Variants in IRAG2 observed in about 807,000 individuals in gnomAD.
IRAG2 encodes inositol 1,4,5-triphosphate receptor associated 2.
Under a neutral mutation model 69.9 loss-of-function variants are expected in IRAG2, and 45 were observed. The ratio of observed to expected loss-of-function variants is 0.64; its 90% CI spans 0.51 to 0.83. IRAG2 has a LOEUF of 0.83. Among genes scored for constraint, IRAG2 ranks in the 40% least tolerant of loss-of-function variants. The probability of loss-of-function intolerance (pLI) is 0.00; values close to 1 mark genes in which losing one functional copy is unlikely to be tolerated. For synonymous variants in IRAG2, 193 were observed against 202.4 expected, an observed-to-expected ratio of 0.95 and a Z score of 0.40; for missense variants, 520 against 587.0, an observed-to-expected ratio of 0.89 and a Z score of 1.18.
At chr12:25,065,504 T>C (rs1483604124) in intron 4 of IRAG2, among the ~76,000 whole-genome samples, 1 of 152,234 alleles carries the variant, frequency 6.6e-6, no homozygotes. Context: ...CTACCATTCT[T>C]TGATGGGTTC....
At chr12:25,002,204 C>T (rs1410316746), upstream of IRAG2, among the ~76,000 whole-genome samples, 1 of 152,174 alleles carries the variant, frequency 6.6e-6, no homozygotes, top group Non-Finnish European at 1.5e-5. Context: ...CTTCTACCTT[C>T]CCCCTGGAGC....
At chr12:25,077,262 A>G (rs866994648) in intron 6 of IRAG2, among the ~76,000 whole-genome samples, 4 of 74,026 alleles carry the variant, frequency 5.4e-5, no homozygotes, top group Admixed American at 1.9e-4. Context: ...TGATATATAT[A>G]TGAAATATAT....
chr12:25,021,671 A>T (rs1440475035), intron 7 of IRAG2, among the ~76,000 whole-genome samples: 3 of 152,198 alleles, frequency 2.0e-5, no homozygotes, highest in Non-Finnish European at 4.4e-5. Flanking sequence ...TGCCAGCAGT[A>T]CTCTAGTATC....
chr12:25,081,039 T>C (rs1167950123), intron 9 of IRAG2, among the ~76,000 whole-genome samples: 3 of 152,356 alleles, frequency 2.0e-5, no homozygotes, highest in African/African-American at 7.2e-5. Context: ...TTTTTGGCTA[T>C]ATAGACATAC....
intron 6 of IRAG2, chr12:25,017,412 C>A: frequency 1.0e-6 from 1 of 976,904 alleles, no homozygotes; most frequent in Non-Finnish European, 1.3e-6. Flanking sequence ...GTATACAATT[C>A]AGTGTTTTTA....
Position 25,108,303 on chromosome 12 carries a change from G to GTTTATTGAAATAAAGAATCATTT in IRAG2, c.*244_*266dup. On this transcript the variant is annotated 3_prime_UTR_variant, in exon 22 of 22. Transcript: ENST00000556887. ...GAAATATTATATATTGTTTGTTAAA[G>GTTTATTGAAATAAAGAATCATTT]TTTATTGAAATAAAGAATCATTTAA... is the stretch of plus-strand genomic sequence containing the variant. The GTTTATTGAAATAAAGAATCATTT allele has an allele frequency of 1.8e-6, 1 of 546,552 alleles. No homozygotes were observed. Among genetic ancestry groups the GTTTATTGAAATAAAGAATCATTT allele is most frequent in the Non-Finnish European group, 3.1e-6 (1 of 322,326 alleles). The allele number at this position is 546,552 out of a possible 1,614,324, so 33.9% of individuals were successfully genotyped here. A position where few individuals can be genotyped will look rare whatever the true frequency, so the allele number is the denominator to read the frequency against.
At chr12:24,997,632 A>T in the IRAG2 span, 2 of 153,116 alleles carry the variant, frequency 1.3e-5, no homozygotes, top group Non-Finnish European at 2.9e-5. Flanking sequence ...AGTTTTCCCC[A>T]ACGAAATAAT....
intron 20 of IRAG2, among the ~76,000 whole-genome samples, chr12:25,105,071 GTTTT>G (rs10583191): frequency 2.6e-4 from 23 of 87,638 alleles, no homozygotes; most frequent in African/African-American, 3.9e-4. Flanking sequence ...CTTGGTCTCA[GTTTT>G]TTTTTTTTTT....
intron 1 of IRAG2, among the ~76,000 whole-genome samples, chr12:25,057,245 TAGAC>T (rs2139932382): frequency 7.1e-6 from 1 of 139,930 alleles, no homozygotes; most frequent in African/African-American, 2.6e-5. Context: ...GGTAGACAGG[TAGAC>T]AGATTTTTTT....
At position 25,012,143 on chromosome 12, in the gene IRAG2, C is replaced by CTTTTTTTTT. The variant is rs1944480147; in HGVS notation, c.896+592_896+593insTTTTTTTTT. On this transcript the variant is annotated intron_variant, in intron 3 of 38. Coordinates refer to the IRAG2 transcript ENST00000636465. ...GTCTTCTTCCACAGAAAGCGAATTCCCTTTTTTTTTTTTTTTTTTTTTTTT... is the reference window on the plus strand; with the variant it reads ...GTCTTCTTCCACAGAAAGCGAATTCCTTTTTTTTTCTTTTTTTTTTTTTTTTTTTTTTTT... 3.3e-4 allele frequency among the ~76,000 whole-genome samples: 8 copies of CTTTTTTTTT among 24,096 alleles called. 4 individuals are homozygous for CTTTTTTTTT. The highest frequency in any genetic ancestry group is 2.7e-4 in the Non-Finnish European group (2 of 7,326). 15.8% of individuals were successfully genotyped at this position (24,096 alleles called of 152,430 possible). A position where few individuals can be genotyped will look rare whatever the true frequency, so the allele number is the denominator to read the frequency against.
At chr12:25,104,181 A>C (rs373362280) in intron 19 of IRAG2, 123 bp downstream of exon 19, 2 of 909,474 alleles carry the variant, frequency 2.2e-6, no homozygotes, top group South Asian at 3.3e-5. Context: ...AAACAGAATA[A>C]TTATATAAAT....
At chr12:25,086,438 G>A (rs943397958) in intron 10 of IRAG2, among the ~76,000 whole-genome samples, 1 of 152,198 alleles carries the variant, frequency 6.6e-6, no homozygotes, top group East Asian at 1.9e-4. Flanking sequence ...GACATTGATA[G>A]TCGGTAAGGA....
intron 6 of IRAG2, among the ~76,000 whole-genome samples, chr12:25,074,296 T>A (rs1273087560): frequency 6.6e-6 from 1 of 152,192 alleles, no homozygotes; most frequent in Non-Finnish European, 1.5e-5. Flanking sequence ...TCTCAATGCC[T>A]TGTTTCCCCA....
chr12:25,032,488 T>C (rs897502007), intron 12 of IRAG2: 16 of 397,450 alleles, frequency 4.0e-5, no homozygotes, highest in African/African-American at 3.1e-4. Context: ...TGTGATATTT[T>C]CTCTATTTTT....
At chr12:25,074,681 A>T (rs1285970428) in intron 6 of IRAG2, among the ~76,000 whole-genome samples, 1 of 152,250 alleles carries the variant, frequency 6.6e-6, no homozygotes, top group African/African-American at 2.4e-5. Flanking sequence ...AATTATCAGC[A>T]GCATGAAGGC....
chr12:25,091,687 G>GT (rs1353965449), intron 14 of IRAG2, among the ~76,000 whole-genome samples: 1 of 152,064 alleles, frequency 6.6e-6, no homozygotes, highest in Non-Finnish European at 1.5e-5. Flanking sequence ...CCACTGTACT[G>GT]TTTTTCATAG....
chr12:25,047,221 A>G (rs1489215716), intron 16 of IRAG2, among the ~76,000 whole-genome samples: 3 of 152,236 alleles, frequency 2.0e-5, no homozygotes, highest in African/African-American at 7.2e-5. Context: ...GAAAACACCT[A>G]GAAGAAAACA....
chr12:25,053,909 A>G (rs1945043151), intron 1 of IRAG2, among the ~76,000 whole-genome samples: 1 of 152,004 alleles, frequency 6.6e-6, no homozygotes, highest in Non-Finnish European at 1.5e-5. Context: ...AAAGCTATTT[A>G]GGAGTTTAAG....
At chr12:25,106,331 TATACAACATATAC>T (rs1949108044) in intron 20 of IRAG2, among the ~76,000 whole-genome samples, 1 of 143,306 alleles carries the variant, frequency 7.0e-6, no homozygotes, top group South Asian at 2.2e-4. Context: ...ACAAAACATA[TATACAACATATAC>T]ATACATATTT....
Sources: gnomAD v4.1 joint callset for allele counts (sites outside exome capture counted in the v4.1 genomes callset) on GRCh38, gnomAD v4.1.1 for gene constraint, MANE v1.5 for transcripts, NCBI Gene and HGNC (gene_info 2026-07-23, HGNC 2026-07-21) for gene names.